Variants in VGLL4 observed in about 807,000 individuals in gnomAD.
The protein encoded by VGLL4 is transcription cofactor vestigial-like protein 4.
Under a neutral mutation model 21.0 loss-of-function variants are expected in VGLL4, and 7 were observed. The observed-to-expected ratio is 0.33, with a 90% confidence interval of 0.19 to 0.63. The LOEUF is 0.63. Ranked by LOEUF, VGLL4 falls within the 20% of genes least tolerant of loss-of-function variation. The pLI is 0.78. For synonymous variants in VGLL4, 222 were observed against 173.2 expected, an observed-to-expected ratio of 1.28 and a Z score of -2.21; for missense variants, 394 against 425.7, an observed-to-expected ratio of 0.93 and a Z score of 0.66.
chr3:11,682,439 G>T (rs2076389295), intron 2 of VGLL4, among the ~76,000 whole-genome samples: 1 of 150,406 alleles, frequency 6.6e-6, no homozygotes, highest in Non-Finnish European at 1.5e-5. Context: ...ATAGGCAGGT[G>T]TGGTGGTGGG....
In VGLL4 at chr3:11,558,654, C is replaced by G; in HGVS notation, c.793G>C (p.Ala265Pro). ...GAGGCGGACTCAGGGCTGCTGGATG[C>G]TCCGTCCTTGGCCGCTTTGATCTGG... ...WLQIKAAKDG[A>P]SSSPESASRR... The change falls in exon 5 of 5, where the codon GCA becomes CCA. Residue 265 changes from alanine to proline, a missense_variant. Ala to Pro is a conservative substitution (Grantham distance 27, BLOSUM62 -1). Transcript: ENST00000430365. 1 of 1,612,328 alleles carries G rather than the reference C, an allele frequency of 6.2e-7. No homozygotes were observed. Among genetic ancestry groups the G allele is most frequent in the Non-Finnish European group, 8.5e-7 (1 of 1,180,014 alleles).
At chr3:11,647,098 T>C (rs1178944581), upstream of VGLL4, among the ~76,000 whole-genome samples, 1 of 152,134 alleles carries the variant, frequency 6.6e-6, no homozygotes, top group Non-Finnish European at 1.5e-5. Context: ...ACAAACCTGG[T>C]TTCACAGAGA....
At chr3:11,625,716 C>A (rs2075340155) in intron 1 of VGLL4, among the ~76,000 whole-genome samples, 1 of 86,674 alleles carries the variant, frequency 1.2e-5, no homozygotes, top group Admixed American at 1.2e-4. Context: ...TCTTTAAAAA[C>A]ATTTTTTTTT....
chr3:11,693,246 T>C (rs529365014), intron 2 of VGLL4: 5 of 160,990 alleles, frequency 3.1e-5, no homozygotes, highest in African/African-American at 1.2e-4. Context: ...TCCTTGGAAT[T>C]TGTACATTAT....
chr3:11,718,535 G>C (rs1352630941), intron 1 of VGLL4, among the ~76,000 whole-genome samples: 1 of 152,184 alleles, frequency 6.6e-6, no homozygotes, highest in Non-Finnish European at 1.5e-5. Context: ...TCAGCGAGTA[G>C]AGAAAGAGTT....
At chr3:11,563,972 G>C (rs1482635433) in intron 3 of VGLL4, among the ~76,000 whole-genome samples, 3 of 152,170 alleles carry the variant, frequency 2.0e-5, no homozygotes, top group Admixed American at 6.5e-5. Context: ...TGAGGCCACA[G>C]GGACACAGAG....
Position 11,558,757 on chromosome 3 carries a change from G to A in VGLL4, c.690C>T (p.Pro230=), listed in dbSNP as rs200909181. The change falls in exon 5 of 5, where the codon CCC becomes CCT. Residue 230 remains proline, a synonymous_variant. Transcript: ENST00000430365. ...TGGACACGGAGTTGGGTGCCGGCTC[G>A]GGCTCCTTGTAATTCTTGCCCAGGC... ...RRSLGKNYKE[P]EPAPNSVSIT... 5.7e-5 allele frequency: 92 copies of A among 1,613,996 alleles called. No homozygotes were observed. Among genetic ancestry groups the A allele is most frequent in the Admixed American group, 8.3e-5 (5 of 60,000 alleles).
upstream of VGLL4, among the ~76,000 whole-genome samples, chr3:11,648,134 G>T (rs1038522933): frequency 6.6e-6 from 1 of 152,136 alleles, no homozygotes; most frequent in Non-Finnish European, 1.5e-5. Context: ...AAATGAGATG[G>T]GAAAAGCTAG....
chr3:11,593,983 G>A (rs907930544), intron 2 of VGLL4, among the ~76,000 whole-genome samples: 6 of 152,190 alleles, frequency 3.9e-5, no homozygotes, highest in African/African-American at 1.4e-4. Flanking sequence ...CTGTGGCCGG[G>A]GGCAAATACA....
intron 2 of VGLL4, among the ~76,000 whole-genome samples, chr3:11,677,298 G>C (rs9835129): frequency 6.6e-6 from 1 of 150,926 alleles, no homozygotes; most frequent in Non-Finnish European, 1.5e-5. Flanking sequence ...TTTTGACAGG[G>C]TCTCACGCTG....
chr3:11,613,235 T>C (rs1374190314), intron 1 of VGLL4, among the ~76,000 whole-genome samples: 1 of 152,150 alleles, frequency 6.6e-6, no homozygotes. Context: ...CCCTGTACCA[T>C]GTGACAGGTT....
intron 2 of VGLL4, among the ~76,000 whole-genome samples, chr3:11,594,785 T>A (rs1418412831): frequency 6.6e-6 from 1 of 152,230 alleles, no homozygotes; most frequent in Non-Finnish European, 1.5e-5. Context: ...TGAGCTTTGA[T>A]GCATGCAGGT....
intron 2 of VGLL4, among the ~76,000 whole-genome samples, chr3:11,696,316 G>C (rs1285527973): frequency 2.6e-5 from 4 of 152,162 alleles, no homozygotes; most frequent in Non-Finnish European, 5.9e-5. Flanking sequence ...TATTATTCCT[G>C]GGTTTTAGAG....
intron 2 of VGLL4, among the ~76,000 whole-genome samples, chr3:11,660,259 C>T (rs2076020203): frequency 2.0e-5 from 3 of 152,180 alleles, no homozygotes; most frequent in Admixed American, 6.5e-5. Flanking sequence ...TGAGTTTAGG[C>T]GTGTTACAGA....
chr3:11,717,834 C>T (rs1423957915), intron 1 of VGLL4, among the ~76,000 whole-genome samples: 1 of 152,024 alleles, frequency 6.6e-6, no homozygotes, highest in Non-Finnish European at 1.5e-5. Context: ...TCTGTAATTC[C>T]TGAAACTCTG....
At chr3:11,693,399 C>A (rs574101622) in intron 2 of VGLL4, among the ~76,000 whole-genome samples, 1 of 151,932 alleles carries the variant, frequency 6.6e-6, no homozygotes. Flanking sequence ...AAATGGTAGA[C>A]GATTGGAATA....
In VGLL4 at chr3:11,719,226, A is replaced by G. The variant is rs1409675823; in HGVS notation, c.-14+1168T>C. 6.6e-6 allele frequency among the ~76,000 whole-genome samples: 1 copy of G among 151,812 alleles called. No individual in the cohort carries two copies. Among genetic ancestry groups the G allele is most frequent in the Non-Finnish European group, 1.5e-5 (1 of 67,898 alleles). ...CGCCCGCCCCGAGCCTCCGACTCCC[A>G]GGACGTCCTCCGGGAGCCTAGGCGC... is the stretch of plus-strand genomic sequence containing the variant. On this transcript the variant is annotated intron_variant, in intron 1 of 5. Transcript: ENST00000273038. The surrounding 1 kb of genome is among the most constrained non-coding windows in gnomAD (Gnocchi z 4.0).
chr3:11,659,153 C>A (rs1381618278), intron 2 of VGLL4, among the ~76,000 whole-genome samples: 1 of 152,134 alleles, frequency 6.6e-6, no homozygotes, highest in Non-Finnish European at 1.5e-5. Flanking sequence ...GAAGATCTCA[C>A]TCCACTGGCC....
chr3:11,579,872 C>A (rs897691150), intron 2 of VGLL4, among the ~76,000 whole-genome samples: 1 of 152,156 alleles, frequency 6.6e-6, no homozygotes, highest in Non-Finnish European at 1.5e-5. Context: ...ATACTGTATT[C>A]CTGGAGCTCG....
Sources: allele counts gnomAD v4.1 joint callset (sites outside exome capture counted in the v4.1 genomes callset), GRCh38; gene constraint gnomAD v4.1.1; non-coding constraint Gnocchi (gnomAD v3.1); transcripts MANE v1.5; gene names NCBI Gene and HGNC (gene_info 2026-07-23, HGNC 2026-07-21).